The following MICU2 variants were observed in gnomAD, a reference collection of about 807,000 sequenced individuals.
MICU2 encodes the protein mitochondrial calcium uptake 2, also known as calcium uptake protein 2, mitochondrial.
MICU2 carries 64 observed loss-of-function variants against 60.4 expected under a neutral mutation model. The ratio of observed to expected loss-of-function variants is 1.06; its 90% CI spans 0.87 to 1.31. The LOEUF is 1.31. Among genes scored for constraint, MICU2 ranks in the 50% most tolerant of loss-of-function variants. The pLI is 0.00. For missense variants in MICU2, 569 were observed against 531.0 expected, an observed-to-expected ratio of 1.07 and a Z score of -0.70; for synonymous variants, 201 against 175.0, an observed-to-expected ratio of 1.15 and a Z score of -1.17.
chr13:21,511,293 C>G (rs1029289487), intron 7 of MICU2, among the ~76,000 whole-genome samples: 1 of 152,116 alleles, frequency 6.6e-6, no homozygotes, highest in Admixed American at 6.5e-5. Flanking sequence ...CATTTGTGCT[C>G]TACCAGAGCA....
intron 2 of MICU2, among the ~76,000 whole-genome samples, chr13:21,566,143 A>C (rs1887975554): frequency 6.6e-6 from 1 of 152,110 alleles, no homozygotes; most frequent in Non-Finnish European, 1.5e-5. Context: ...TTTTGAATTC[A>C]ATCTATACTA....
chr13:21,573,718 T>C (rs569642983), intron 1 of MICU2, among the ~76,000 whole-genome samples: 21 of 152,018 alleles, frequency 1.4e-4, no homozygotes, highest in South Asian at 8.3e-4. Context: ...TAAAAACTGT[T>C]GTCCAAGGAG....
At chr13:21,502,691 G>A (rs1484655617) in intron 9 of MICU2, 2 of 401,522 alleles carry the variant, frequency 5.0e-6, no homozygotes. Flanking sequence ...TAACAGTAGT[G>A]ATACTTGTCT....
intron 10 of MICU2, 22 bp from the exon 11 acceptor site, chr13:21,495,340 A>C (rs1459279448): frequency 2.6e-6 from 4 of 1,557,884 alleles, no homozygotes; most frequent in Non-Finnish European, 2.6e-6. Flanking sequence ...ACATAAAACA[A>C]CTTATCAACT....
chr13:21,568,600 TAAAC>T (rs1026605154), intron 1 of MICU2, among the ~76,000 whole-genome samples: 1 of 152,178 alleles, frequency 6.6e-6, no homozygotes, highest in African/African-American at 2.4e-5. Flanking sequence ...TTTGTAAAAA[TAAAC>T]AAACTCTTCT....
At chr13:21,566,243 A>G (rs9552453) in intron 2 of MICU2, among the ~76,000 whole-genome samples, 34,156 of 152,156 alleles carry the variant, frequency 0.22, 4,752 homozygotes, top group East Asian at 0.66. Flanking sequence ...TCAGAAAGCC[A>G]ACAAGTTTTC....
intron 4 of MICU2, among the ~76,000 whole-genome samples, chr13:21,534,902 T>G (rs1029910162): frequency 6.6e-6 from 1 of 152,124 alleles, no homozygotes; most frequent in Non-Finnish European, 1.5e-5. Context: ...TAGAGTAGGG[T>G]AGCTGAGAAG....
intron 2 of MICU2, among the ~76,000 whole-genome samples, chr13:21,544,754 G>A (rs1887375977): frequency 6.6e-6 from 1 of 152,138 alleles, no homozygotes; most frequent in African/African-American, 2.4e-5. Flanking sequence ...CTGGGCTCAA[G>A]TAATCCTCTT....
chr13:21,582,667 T>A (rs758509991), intron 1 of MICU2, among the ~76,000 whole-genome samples: 11 of 152,344 alleles, frequency 7.2e-5, no homozygotes, highest in Non-Finnish European at 1.3e-4. Context: ...TACCTGCTCA[T>A]TCTCCACACT....
At chr13:21,595,006 T>C (rs556154907) in intron 1 of MICU2, among the ~76,000 whole-genome samples, 1 of 152,298 alleles carries the variant, frequency 6.6e-6, no homozygotes, top group Admixed American at 6.5e-5. Context: ...GTTTTGTTTT[T>C]TAGAATAAAG....
intron 1 of MICU2, among the ~76,000 whole-genome samples, chr13:21,579,943 GT>G (rs1888312811): frequency 6.6e-6 from 1 of 152,050 alleles, no homozygotes; most frequent in Admixed American, 6.5e-5. Flanking sequence ...GGTTTTTTTG[GT>G]TATTTTTCTG....
intron 2 of MICU2, among the ~76,000 whole-genome samples, chr13:21,542,656 T>C (rs1887312639): frequency 6.6e-6 from 1 of 152,218 alleles, no homozygotes; most frequent in African/African-American, 2.4e-5. Flanking sequence ...TTAGGGGTTT[T>C]TGTTTTTGTA....
At chr13:21,547,191 G>A (rs1593337962) in intron 2 of MICU2, among the ~76,000 whole-genome samples, 1 of 152,142 alleles carries the variant, frequency 6.6e-6, no homozygotes, top group Non-Finnish European at 1.5e-5. Flanking sequence ...ATGAGTTGAG[G>A]CAGCCACAAA....
At chr13:21,582,148 A>G (rs1426522406) in intron 1 of MICU2, among the ~76,000 whole-genome samples, 1 of 152,216 alleles carries the variant, frequency 6.6e-6, no homozygotes, top group Non-Finnish European at 1.5e-5. Context: ...CTGGAGAGCA[A>G]GGAGACAGGG....
intron 9 of MICU2, chr13:21,496,395 G>A: frequency 2.3e-6 from 1 of 436,218 alleles, no homozygotes; most frequent in Non-Finnish European, 4.1e-6. Context: ...AACTGGCCCT[G>A]CTGGTGCCTT....
At chr13:21,514,997 G>GAA (rs1482318887) in intron 6 of MICU2, among the ~76,000 whole-genome samples, 1 of 151,820 alleles carries the variant, frequency 6.6e-6, no homozygotes, top group Non-Finnish European at 1.5e-5. Flanking sequence ...CACTCTATAA[G>GAA]AACTTCAAGA....
At chr13:21,510,458 G>C (rs1294760215) in intron 7 of MICU2, among the ~76,000 whole-genome samples, 1 of 152,190 alleles carries the variant, frequency 6.6e-6, no homozygotes, top group Non-Finnish European at 1.5e-5. Flanking sequence ...GAGAGTTAAA[G>C]CAAGAAAGTC....
intron 1 of MICU2, among the ~76,000 whole-genome samples, chr13:21,595,802 T>C (rs1888679707): frequency 6.6e-6 from 1 of 152,240 alleles, no homozygotes; most frequent in Non-Finnish European, 1.5e-5. Context: ...ATCCCTGCTT[T>C]GGGGTGGAGG....
intron 9 of MICU2, among the ~76,000 whole-genome samples, chr13:21,501,325 C>T (rs113801160): frequency 0.016 from 2,425 of 151,964 alleles, 62 homozygotes; most frequent in African/African-American, 0.056. Flanking sequence ...TGCAGTGGCG[C>T]AATCTCAGCT....
Sources: gnomAD v4.1 joint callset for allele counts (sites outside exome capture counted in the v4.1 genomes callset) on GRCh38, gnomAD v4.1.1 for gene constraint, MANE v1.5 for transcripts, NCBI Gene and HGNC (gene_info 2026-07-23, HGNC 2026-07-21) for gene names.